ZSCAN25: variants seen among roughly 807,000 people sequenced by gnomAD.
The protein encoded by ZSCAN25 is zinc finger and SCAN domain containing 25, also known as zinc finger and SCAN domain-containing protein 25.
A neutral mutation model predicts 38.7 loss-of-function variants in ZSCAN25; 27 were observed. The observed-to-expected ratio is 0.70, with a 90% CI of 0.51 to 0.96. The LOEUF is 0.96. Among genes scored for constraint, ZSCAN25 ranks in the 40% least tolerant of loss-of-function variants. The pLI, the probability that ZSCAN25 is intolerant of heterozygous loss-of-function variation, is 0.00. For synonymous variants in ZSCAN25, 273 were observed against 277.7 expected, an observed-to-expected ratio of 0.98 and a Z score of 0.17; for missense variants, 637 against 705.9, an observed-to-expected ratio of 0.90 and a Z score of 1.11.
At chr7:99,634,590 C>T (rs1020242617), downstream of ZSCAN25, among the ~76,000 whole-genome samples, 2 of 152,154 alleles carry the variant, frequency 1.3e-5, no homozygotes, top group Non-Finnish European at 2.9e-5. Flanking sequence ...GAGATTGAGA[C>T]CATCCTGGTT....
chr7:99,676,363 C>T, the ZSCAN25 span: 2 of 1,534,528 alleles, frequency 1.3e-6, no homozygotes, highest in Middle Eastern at 1.7e-4. Flanking sequence ...TGCATTCACT[C>T]ATCAGGTCCT....
chr7:99,657,254 A>G, the ZSCAN25 span, among the ~76,000 whole-genome samples: 2 of 152,162 alleles, frequency 1.3e-5, no homozygotes, highest in Admixed American at 1.3e-4. Context: ...ATTGCTTTGA[A>G]TGTGGCCCAG....
the ZSCAN25 span, among the ~76,000 whole-genome samples, chr7:99,721,836 C>T: frequency 6.6e-6 from 1 of 152,272 alleles, no homozygotes; most frequent in African/African-American, 2.4e-5. Flanking sequence ...AGTGGATTCT[C>T]ATGCTTGTGT....
At chr7:99,671,520 A>G in the ZSCAN25 span, 1 of 313,548 alleles carries the variant, frequency 3.2e-6, no homozygotes, top group East Asian at 6.3e-5. Context: ...GTGTTGGAAC[A>G]TTTGGACAGC....
At chr7:99,735,244 G>A in the ZSCAN25 span, 3 of 1,090,602 alleles carry the variant, frequency 2.8e-6, no homozygotes, top group Non-Finnish European at 4.0e-6. Flanking sequence ...AAGGAGGCAG[G>A]GCTGGAGCTG....
At chr7:99,737,044 G>A in the ZSCAN25 span, among the ~76,000 whole-genome samples, 7 of 152,158 alleles carry the variant, frequency 4.6e-5, no homozygotes, top group Admixed American at 1.3e-4. Context: ...GGACAGACAC[G>A]GGTAGGTGGG....
the ZSCAN25 span, among the ~76,000 whole-genome samples, chr7:99,690,305 T>A: frequency 6.6e-6 from 1 of 152,204 alleles, no homozygotes; most frequent in Non-Finnish European, 1.5e-5. Context: ...TCAAGATGGA[T>A]TAAAGACTTA....
the ZSCAN25 span, among the ~76,000 whole-genome samples, chr7:99,694,258 A>C: frequency 6.6e-6 from 1 of 152,264 alleles, no homozygotes; most frequent in Non-Finnish European, 1.5e-5. Context: ...CTTTTCATTT[A>C]TTTCATCAGC....
the ZSCAN25 span, among the ~76,000 whole-genome samples, chr7:99,731,810 T>C: frequency 3.3e-5 from 5 of 152,172 alleles, no homozygotes; most frequent in African/African-American, 1.2e-4. Context: ...ATTGGCCTCG[T>C]AGAAGTGCGA....
chr7:99,723,685 C>A, the ZSCAN25 span, among the ~76,000 whole-genome samples: 2 of 152,184 alleles, frequency 1.3e-5, no homozygotes, highest in Non-Finnish European at 1.5e-5. Flanking sequence ...CCAGCCAGCC[C>A]AAGGTCATCT....
chr7:99,688,262 G>C, the ZSCAN25 span, among the ~76,000 whole-genome samples: 4 of 152,298 alleles, frequency 2.6e-5, no homozygotes, highest in Middle Eastern at 0.01. Context: ...TCAGTGTGCT[G>C]TATTCAGGAA....
At chr7:99,656,776 T>C in the ZSCAN25 span, among the ~76,000 whole-genome samples, 1 of 152,236 alleles carries the variant, frequency 6.6e-6, no homozygotes, top group Non-Finnish European at 1.5e-5. Context: ...ATTGGTCTAT[T>C]CAGAGTTTCA....
the ZSCAN25 span, among the ~76,000 whole-genome samples, chr7:99,730,007 CACTT>C: frequency 5.3e-5 from 8 of 152,168 alleles, no homozygotes; most frequent in Non-Finnish European, 1.0e-4. Context: ...ACAAAGCCCT[CACTT>C]AGGAGAACTA....
At chr7:99,662,923 C>T in the ZSCAN25 span, 6 of 1,610,812 alleles carry the variant, frequency 3.7e-6, no homozygotes, top group African/African-American at 4.0e-5. The surrounding 1 kb of genome is among the most constrained non-coding windows in gnomAD (Gnocchi z 4.3). Context: ...GAAAGTGACT[C>T]GTGAAGTCAG....
At chr7:99,731,042 A>G in the ZSCAN25 span, 1 of 1,613,376 alleles carries the variant, frequency 6.2e-7, no homozygotes, top group East Asian at 2.2e-5. Flanking sequence ...CAAAAGAGGA[A>G]GCTCAAAAAC....
At chr7:99,684,998 G>T in the ZSCAN25 span, 14 of 620,810 alleles carry the variant, frequency 2.3e-5, no homozygotes, top group Non-Finnish European at 3.9e-5. Flanking sequence ...CTCAGTGCAT[G>T]TACAGAATCC....
chr7:99,694,725 A>G, the ZSCAN25 span, among the ~76,000 whole-genome samples: 2 of 150,084 alleles, frequency 1.3e-5, no homozygotes, highest in South Asian at 2.1e-4. Context: ...CAGGGAAACA[A>G]GCCTCAGGTA....
chr7:99,630,256 C>T lies in ZSCAN25; in HGVS notation c.*236C>T, dbSNP rs1395020485. ...AATGTTTGAGGGAAGCAGTCTCCTGCGGTTCAGTTCAGGCTGAGATTTTCT... is the reference window on the plus strand; with the variant it reads ...AATGTTTGAGGGAAGCAGTCTCCTGTGGTTCAGTTCAGGCTGAGATTTTCT... On this transcript the variant is annotated 3_prime_UTR_variant, in exon 8 of 8. Transcript: ENST00000394152. The T allele has an allele frequency of 6.1e-6, 8 of 1,319,206 alleles. No individual in the cohort carries two copies. Among genetic ancestry groups the T allele is most frequent in the East Asian group, 2.9e-5 (1 of 34,214 alleles). 81.7% of individuals were successfully genotyped at this position (1,319,206 alleles called of 1,614,324 possible). A position where few individuals can be genotyped will look rare whatever the true frequency, so the allele number is the denominator to read the frequency against.
At chr7:99,713,473 G>A in the ZSCAN25 span, 5 of 1,613,308 alleles carry the variant, frequency 3.1e-6, no homozygotes, top group African/African-American at 5.3e-5. Flanking sequence ...TGTTACCTTT[G>A]TGGGTCTCAG....
Sources: allele counts gnomAD v4.1 joint callset (sites outside exome capture counted in the v4.1 genomes callset), GRCh38; gene constraint gnomAD v4.1.1; non-coding constraint Gnocchi (gnomAD v3.1); transcripts MANE v1.5; gene names NCBI Gene and HGNC (gene_info 2026-07-23, HGNC 2026-07-21).